DLG2: variants seen among roughly 807,000 people sequenced by gnomAD.
The protein encoded by DLG2 is discs large MAGUK scaffold protein 2.
In DLG2, 45 loss-of-function variants were observed where a neutral mutation model predicts 132.5. The observed-to-expected ratio is 0.34, with a 90% CI of 0.27 to 0.44. The LOEUF (loss-of-function observed/expected upper bound fraction) is 0.44, where lower values mean the gene tolerates loss of function less well. DLG2 is among the 20% of genes least tolerant of loss of function. The pLI is 1.00. For synonymous variants in DLG2, 424 were observed against 419.6 expected, an observed-to-expected ratio of 1.01 and a Z score of -0.13; for missense variants, 1,045 against 1,196.9, an observed-to-expected ratio of 0.87 and a Z score of 1.87.
chr11:85,431,347 G>A (rs770321192), intron 3 of DLG2, among the ~76,000 whole-genome samples: 3 of 152,140 alleles, frequency 2.0e-5, no homozygotes, highest in African/African-American at 7.2e-5. Context: ...CAAGGGAAGT[G>A]GTGAGTGAGC....
At chr11:84,574,330 T>G (rs576203433) in intron 6 of DLG2, among the ~76,000 whole-genome samples, 1 of 151,932 alleles carries the variant, frequency 6.6e-6, no homozygotes, top group African/African-American at 2.4e-5. Context: ...AGGGCACGTA[T>G]TATTCCCCTA....
intron 6 of DLG2, among the ~76,000 whole-genome samples, chr11:84,885,781 C>A (rs2088176746): frequency 6.6e-6 from 1 of 152,018 alleles, no homozygotes. Context: ...TTTTAGGATA[C>A]AACGTTCCAA....
chr11:84,986,212 A>T (rs951753400), intron 6 of DLG2, among the ~76,000 whole-genome samples: 1 of 152,072 alleles, frequency 6.6e-6, no homozygotes, highest in Non-Finnish European at 1.5e-5. Context: ...AGAGATGGAT[A>T]AATTCCTGGA....
At chr11:85,165,288 T>C (rs2078354487) in intron 4 of DLG2, among the ~76,000 whole-genome samples, 1 of 152,050 alleles carries the variant, frequency 6.6e-6, no homozygotes, top group African/African-American at 2.4e-5. Context: ...GTTGACAACA[T>C]AAAAAAAGAG....
chr11:83,525,759 C>T lies in DLG2; in HGVS notation c.2193+6949G>A, dbSNP rs768038411. Among the ~76,000 whole-genome samples, 39 of 152,124 alleles carry T rather than the reference C, an allele frequency of 2.6e-4. 1 individual carries two copies. The highest frequency in any genetic ancestry group is 5.1e-4 in the African/African-American group (21 of 41,418). The stretch of plus-strand genomic sequence containing the variant: ...TGCCTGGCTCTGGCCATTCCAAGAC[C>T]GGCTCCATTAAAGAGCTTTCTTTCG... On this transcript the variant is annotated intron_variant, in intron 21 of 27. Coordinates refer to ENST00000376104, the MANE Select transcript of DLG2 (RefSeq NM_001142699.3).
At chr11:84,289,385 T>A (rs2097954336) in intron 7 of DLG2, among the ~76,000 whole-genome samples, 1 of 152,098 alleles carries the variant, frequency 6.6e-6, no homozygotes, top group South Asian at 2.1e-4. Flanking sequence ...CCTATTTTTT[T>A]AATACAGAAA....
intron 7 of DLG2, among the ~76,000 whole-genome samples, chr11:84,317,577 T>C (rs1349022385): frequency 6.6e-6 from 1 of 152,198 alleles, no homozygotes; most frequent in African/African-American, 2.4e-5. Context: ...GAAAGAGAAC[T>C]TATTATGAGA....
intron 3 of DLG2, among the ~76,000 whole-genome samples, chr11:85,383,205 G>A (rs2086040103): frequency 6.6e-6 from 1 of 152,134 alleles, no homozygotes; most frequent in South Asian, 2.1e-4. Flanking sequence ...AAAACTTTAA[G>A]TGAGAGAAGC....
intron 6 of DLG2, among the ~76,000 whole-genome samples, chr11:84,727,915 A>C (rs2062682148): frequency 6.6e-6 from 1 of 152,148 alleles, no homozygotes; most frequent in Non-Finnish European, 1.5e-5. Context: ...GGTGTATAGA[A>C]ATGCTTGTGA....
chr11:84,181,372 AAAAT>A (rs1325046921), intron 8 of DLG2, among the ~76,000 whole-genome samples: 4 of 151,976 alleles, frequency 2.6e-5, no homozygotes, highest in Admixed American at 1.3e-4. Context: ...ATTAATAAAG[AAAAT>A]AAATAATATA....
At chr11:84,717,294 T>C (rs777547372) in intron 6 of DLG2, among the ~76,000 whole-genome samples, 7 of 152,130 alleles carry the variant, frequency 4.6e-5, no homozygotes, top group Non-Finnish European at 7.4e-5. Flanking sequence ...AGTATCCTTA[T>C]TGAAATCTGT....
intron 3 of DLG2, among the ~76,000 whole-genome samples, chr11:85,365,127 A>T (rs997220324): frequency 2.6e-5 from 4 of 152,094 alleles, no homozygotes; most frequent in African/African-American, 9.7e-5. Context: ...TGTTTATAAA[A>T]ATCTAACTTA....
chr11:84,203,909 TC>T (rs1279286465), intron 8 of DLG2, among the ~76,000 whole-genome samples: 2 of 152,118 alleles, frequency 1.3e-5, no homozygotes, highest in Non-Finnish European at 2.9e-5. Flanking sequence ...AGTCTGCACA[TC>T]CTGCACATGT....
intron 6 of DLG2, among the ~76,000 whole-genome samples, chr11:84,585,283 A>C (rs1032672547): frequency 2.0e-5 from 3 of 152,284 alleles, no homozygotes; most frequent in Non-Finnish European, 2.9e-5. Context: ...TTTAATAATA[A>C]GGAAATTGAG....
Position 84,026,054 on chromosome 11 carries a change from A to G in DLG2, c.919+33261T>C, listed in dbSNP as rs953100695. On this transcript the variant is annotated intron_variant, in intron 11 of 27. Coordinates refer to ENST00000376104, the MANE Select transcript of DLG2 (RefSeq NM_001142699.3). ...TGAAATGAGTAGGCTGATTTGAGGG[A>G]TGAGGTGCATAGATGTATGATGGTA... Among the ~76,000 whole-genome samples, 5 of 152,134 alleles carry G rather than the reference A, an allele frequency of 3.3e-5. No homozygotes were observed. The South Asian group carries it at 1.0e-3, about 32-fold the overall frequency.
intron 6 of DLG2, among the ~76,000 whole-genome samples, chr11:84,913,297 G>GT: frequency 6.6e-6 from 1 of 152,304 alleles, no homozygotes; most frequent in East Asian, 1.9e-4. Flanking sequence ...TTTGCATGAA[G>GT]TATGTATTTT....
intron 11 of DLG2, among the ~76,000 whole-genome samples, chr11:84,033,017 T>A (rs2095750237): frequency 1.3e-5 from 2 of 152,352 alleles, no homozygotes; most frequent in Non-Finnish European, 2.9e-5. Flanking sequence ...TGTTGCTCAT[T>A]GTCGATGCAC....
intron 4 of DLG2, among the ~76,000 whole-genome samples, chr11:85,206,507 G>T (rs1254235460): frequency 6.6e-6 from 1 of 152,048 alleles, no homozygotes; most frequent in Non-Finnish European, 1.5e-5. Flanking sequence ...TTGATATAAT[G>T]AATATGAAAG....
intron 16 of DLG2, among the ~76,000 whole-genome samples, chr11:83,871,780 T>C (rs1338421944): frequency 6.6e-6 from 1 of 152,230 alleles, no homozygotes; most frequent in Non-Finnish European, 1.5e-5. Flanking sequence ...TATTTCATTT[T>C]ATATCCAGAA....
Sources: allele counts gnomAD v4.1 joint callset (sites outside exome capture counted in the v4.1 genomes callset), GRCh38; gene constraint gnomAD v4.1.1; transcripts MANE v1.5; gene names NCBI Gene and HGNC (gene_info 2026-07-23, HGNC 2026-07-21).